The following INPP4B variants were observed in gnomAD, a reference collection of about 807,000 sequenced individuals.
The protein encoded by INPP4B is inositol polyphosphate 4-phosphatase type II.
In INPP4B, 55 loss-of-function variants were observed where a neutral mutation model predicts 122.5. The ratio of observed to expected loss-of-function variants is 0.45; its 90% CI spans 0.36 to 0.56. The LOEUF is 0.56. Ranked by LOEUF, INPP4B falls within the 20% of genes least tolerant of loss-of-function variation. INPP4B has a pLI of 0.00. For synonymous variants in INPP4B, 403 were observed against 388.7 expected, an observed-to-expected ratio of 1.04 and a Z score of -0.43; for missense variants, 1,000 against 1,097.7, an observed-to-expected ratio of 0.91 and a Z score of 1.26.
intron 21 of INPP4B, among the ~76,000 whole-genome samples, chr4:142,115,919 C>T (rs1793053215): frequency 1.3e-5 from 2 of 152,036 alleles, no homozygotes; most frequent in African/African-American, 4.8e-5. Flanking sequence ...GGAGACCCAT[C>T]TCACATGCAG....
chr4:142,029,436 G>A, intron 25 of INPP4B: 4 of 985,910 alleles, frequency 4.1e-6, no homozygotes, highest in Non-Finnish European at 4.8e-6. Flanking sequence ...CCAAGTCTCA[G>A]CTTTATAAAG....
At chr4:142,516,683 GCT>G (rs1367146160) in intron 2 of INPP4B, among the ~76,000 whole-genome samples, 11 of 152,014 alleles carry the variant, frequency 7.2e-5, no homozygotes, top group Admixed American at 2.0e-4. Context: ...TCCACACATT[GCT>G]CTGTGCCCTG....
At chr4:142,195,300 G>T (rs1837682217) in intron 14 of INPP4B, among the ~76,000 whole-genome samples, 1 of 152,184 alleles carries the variant, frequency 6.6e-6, no homozygotes, top group South Asian at 2.1e-4. Flanking sequence ...ATGCAAAGTT[G>T]TTATTCAATA....
chr4:142,259,449 G>C (rs888406473), intron 11 of INPP4B, among the ~76,000 whole-genome samples: 1 of 151,558 alleles, frequency 6.6e-6, no homozygotes, highest in African/African-American at 2.4e-5. Context: ...GTGGGTAAGT[G>C]TTGAATTTCA....
At chr4:142,433,865 T>A (rs1415185017) in intron 3 of INPP4B, among the ~76,000 whole-genome samples, 3 of 152,160 alleles carry the variant, frequency 2.0e-5, no homozygotes, top group Admixed American at 1.3e-4. Flanking sequence ...CAGTGTCATA[T>A]ACCAGAGTTC....
chr4:142,563,443 A>G (rs1730892424), intron 2 of INPP4B, among the ~76,000 whole-genome samples: 1 of 152,232 alleles, frequency 6.6e-6, no homozygotes, highest in African/African-American at 2.4e-5. Flanking sequence ...AACATTTTGT[A>G]ACAGAATGGT....
chr4:142,071,693 T>C (rs548098455), intron 25 of INPP4B, among the ~76,000 whole-genome samples: 1 of 152,184 alleles, frequency 6.6e-6, no homozygotes, highest in Non-Finnish European at 1.5e-5. Flanking sequence ...AACAGACACT[T>C]CTCAAAAGAA....
chr4:142,616,851 C>T (rs187373603), intron 2 of INPP4B, among the ~76,000 whole-genome samples: 184 of 152,188 alleles, frequency 1.2e-3, no homozygotes, highest in African/African-American at 4.2e-3. Context: ...GAGCCAAAAA[C>T]CACACGTTCT....
intron 14 of INPP4B, among the ~76,000 whole-genome samples, chr4:142,198,471 A>G (rs1199283336): frequency 6.6e-6 from 1 of 151,540 alleles, no homozygotes; most frequent in Admixed American, 6.6e-5. Flanking sequence ...TTTAAAAAAA[A>G]GAATACTTTT....
At chr4:142,427,480 G>T in intron 5 of INPP4B, 1 of 678,140 alleles carries the variant, frequency 1.5e-6, no homozygotes, top group Non-Finnish European at 2.7e-6. Context: ...ATTCAAATCT[G>T]GAAATATAAG....
At position 142,403,028 on chromosome 4, in the gene INPP4B, A is replaced by C. The variant is rs1013105588; in HGVS notation, c.282T>G (p.Thr94=). The change falls in exon 7 of 26, where the codon ACT becomes ACG. Residue 94 remains threonine (T), a synonymous_variant. Coordinates refer to ENST00000262992, the MANE Select transcript of INPP4B (RefSeq NM_001101669.3). ...GATACTCAGATGGGAATGTGACACC[A>C]GTCAAAAACAGTGGGTCCCTTGTTC... ...VEGTRDPLFL[T]GVTFPSEYPI... is the part of the protein sequence containing the mutation. 6.2e-7 allele frequency: 1 copy of C among 1,608,558 alleles called. No individual in the cohort carries two copies. Among genetic ancestry groups the C allele is most frequent in the Admixed American group, 1.7e-5 (1 of 59,988 alleles).
chr4:142,449,539 T>A (rs1035358463), intron 3 of INPP4B, among the ~76,000 whole-genome samples: 18 of 151,992 alleles, frequency 1.2e-4, no homozygotes, highest in Non-Finnish European at 4.4e-5. Context: ...CTGTTTCTAC[T>A]AAAAATACAA....
chr4:142,316,748 A>G (rs1767851637), intron 7 of INPP4B, among the ~76,000 whole-genome samples: 1 of 152,214 alleles, frequency 6.6e-6, no homozygotes, highest in Non-Finnish European at 1.5e-5. Context: ...ATATAAAAGT[A>G]TGTGTTTTAA....
chr4:142,377,913 C>G (rs745365557), intron 7 of INPP4B, among the ~76,000 whole-genome samples: 1 of 152,100 alleles, frequency 6.6e-6, no homozygotes, highest in Non-Finnish European at 1.5e-5. Context: ...CCAGCCTGAT[C>G]AATACACTGT....
At position 142,592,321 on chromosome 4, in the gene INPP4B, C is replaced by T. The variant is rs144289931; in HGVS notation, c.-190-129595G>A. 6.6e-3 allele frequency among the ~76,000 whole-genome samples: 1,003 copies of T among 152,172 alleles called. 12 individuals are homozygous for T. The highest frequency in any genetic ancestry group is 0.023 in the African/African-American group (966 of 41,518). On this transcript the variant is annotated intron_variant, in intron 2 of 25. Transcript: ENST00000262992. ...TTCTCCAAAGGCTTCCTAATATATTCGACTTCACTATTTTAAGATTGAAAA... is the reference window on the plus strand; with the variant it reads ...TTCTCCAAAGGCTTCCTAATATATTTGACTTCACTATTTTAAGATTGAAAA...
chr4:142,364,834 G>A (rs950274813), intron 7 of INPP4B, among the ~76,000 whole-genome samples: 4 of 152,056 alleles, frequency 2.6e-5, no homozygotes, highest in Non-Finnish European at 5.9e-5. Flanking sequence ...TGCAACTAGT[G>A]AGCCCGGGAG....
chr4:142,272,110 T>G (rs1746145623), intron 9 of INPP4B, among the ~76,000 whole-genome samples: 1 of 152,188 alleles, frequency 6.6e-6, no homozygotes, highest in South Asian at 2.1e-4. Flanking sequence ...ACATCTTTCA[T>G]GAAATTTGTT....
intron 25 of INPP4B, among the ~76,000 whole-genome samples, chr4:142,067,120 G>A (rs554195380): frequency 4.6e-5 from 7 of 152,116 alleles, no homozygotes; most frequent in South Asian, 2.1e-4. Context: ...CCTCTGAGAC[G>A]AAGCTTCTAG....
At chr4:142,147,525 G>A (rs1255499501) in intron 17 of INPP4B, among the ~76,000 whole-genome samples, 1 of 152,154 alleles carries the variant, frequency 6.6e-6, no homozygotes, top group Non-Finnish European at 1.5e-5. Flanking sequence ...CCCTGGGGAA[G>A]CCCAGTTGTC....
Sources: gnomAD v4.1 joint callset for allele counts (sites outside exome capture counted in the v4.1 genomes callset) on GRCh38, gnomAD v4.1.1 for gene constraint, MANE v1.5 for transcripts, NCBI Gene and HGNC (gene_info 2026-07-23, HGNC 2026-07-21) for gene names.